ARHGEF28: variants seen among roughly 807,000 people sequenced by gnomAD.
ARHGEF28 encodes the protein Rho guanine nucleotide exchange factor 28, also known as 190 kDa guanine nucleotide exchange factor.
In ARHGEF28, 152 loss-of-function variants were observed where a neutral mutation model predicts 206.6. That is an observed-to-expected ratio of 0.74 (90% CI 0.64 to 0.84). The LOEUF (loss-of-function observed/expected upper bound fraction) is 0.84, where lower values mean the gene tolerates loss of function less well. Among genes scored for constraint, ARHGEF28 ranks in the 40% least tolerant of loss-of-function variants. The probability of loss-of-function intolerance (pLI) is 0.00; values close to 1 mark genes in which losing one functional copy is unlikely to be tolerated. For missense variants in ARHGEF28, 2,028 were observed against 2,073.2 expected (o/e 0.98, Z 0.42); for synonymous variants, 763 against 776.4 (o/e 0.98, Z 0.29).
chr5:73,695,672 C>A (rs1748165911), intron 2 of ARHGEF28, among the ~76,000 whole-genome samples: 1 of 152,224 alleles, frequency 6.6e-6, no homozygotes. Flanking sequence ...CCTTTGTCCT[C>A]TGTCTTGATC....
intron 2 of ARHGEF28, among the ~76,000 whole-genome samples, chr5:73,747,028 G>A (rs1284517472): frequency 2.6e-5 from 4 of 152,142 alleles, no homozygotes; most frequent in Non-Finnish European, 1.5e-5. Flanking sequence ...TTAATTTGGG[G>A]AGATAATTTT....
chr5:73,756,634 G>A (rs1271173613), intron 4 of ARHGEF28, among the ~76,000 whole-genome samples: 1 of 152,180 alleles, frequency 6.6e-6, no homozygotes, highest in African/African-American at 2.4e-5. Context: ...ATGTATGTAT[G>A]TAGGGGCTCA....
intron 7 of ARHGEF28, among the ~76,000 whole-genome samples, chr5:73,784,261 GC>G (rs1754021509): frequency 6.6e-6 from 1 of 152,076 alleles, no homozygotes; most frequent in Non-Finnish European, 1.5e-5. Flanking sequence ...TATATCTGTA[GC>G]TGCTATTAAT....
chr5:73,740,278 G>A (rs1332937993), intron 2 of ARHGEF28, among the ~76,000 whole-genome samples: 1 of 151,598 alleles, frequency 6.6e-6, no homozygotes, highest in African/African-American at 2.4e-5. Flanking sequence ...AAATATTGAA[G>A]CAATTAATCA....
At chr5:73,787,625 G>A (rs1050783696) in intron 7 of ARHGEF28, among the ~76,000 whole-genome samples, 3 of 152,066 alleles carry the variant, frequency 2.0e-5, no homozygotes, top group African/African-American at 7.2e-5. Flanking sequence ...GAGAACTTGT[G>A]GTGTTTGGTT....
intron 1 of ARHGEF28, among the ~76,000 whole-genome samples, chr5:73,676,139 C>T (rs577835607): frequency 1.0e-4 from 15 of 145,938 alleles, no homozygotes; most frequent in Admixed American, 8.4e-4. Flanking sequence ...GGTGCGATCT[C>T]GGTTCACTGC....
At chr5:73,694,964 TG>T (rs1223270236) in intron 2 of ARHGEF28, among the ~76,000 whole-genome samples, 2 of 152,186 alleles carry the variant, frequency 1.3e-5, no homozygotes, top group African/African-American at 4.8e-5. Context: ...GATGGTAGTA[TG>T]GGTTAGGACA....
chr5:73,773,571 A>G lies in ARHGEF28; in HGVS notation c.476-284A>G, dbSNP rs539538635. Among the ~76,000 whole-genome samples the G allele has an allele frequency of 2.0e-5, 3 of 152,298 alleles. No individual in the cohort carries two copies. In the East Asian group the frequency reaches 5.8e-4, roughly 29 times the overall value. ...CTGCTTCCCTAGATGACTGCACTGCATGTCTAGTGAAAGATGACGTGAATG... is the reference window on the plus strand; with the variant it reads ...CTGCTTCCCTAGATGACTGCACTGCGTGTCTAGTGAAAGATGACGTGAATG... On this transcript the variant is annotated intron_variant, in intron 4 of 35. Transcript: ENST00000513042.
At chr5:73,893,983 C>T (rs1172615683) in intron 28 of ARHGEF28, among the ~76,000 whole-genome samples, 2 of 151,728 alleles carry the variant, frequency 1.3e-5, no homozygotes, top group Non-Finnish European at 2.9e-5. Flanking sequence ...AAACTTAAAC[C>T]AGTATGTTTG....
chr5:73,767,750 G>A (rs930300009), intron 4 of ARHGEF28, among the ~76,000 whole-genome samples: 10 of 152,198 alleles, frequency 6.6e-5, no homozygotes, highest in African/African-American at 2.4e-4. Context: ...AGAAATTCAA[G>A]CTGGCTGCAG....
intron 1 of ARHGEF28, among the ~76,000 whole-genome samples, chr5:73,636,887 G>T (rs1743751685): frequency 6.6e-6 from 1 of 152,126 alleles, no homozygotes; most frequent in South Asian, 2.1e-4. Flanking sequence ...CGAGCATCAC[G>T]CTTGGCTCCC....
chr5:73,681,166 T>G (rs1333123340), intron 1 of ARHGEF28, among the ~76,000 whole-genome samples: 1 of 151,954 alleles, frequency 6.6e-6, no homozygotes, highest in African/African-American at 2.4e-5. Flanking sequence ...AAGGATCTTC[T>G]AATTTTATCA....
Position 73,911,405 on chromosome 5 carries a change from A to G in ARHGEF28, c.4778A>G (p.Tyr1593Cys), listed in dbSNP as rs780649949. The G allele has an allele frequency of 6.2e-7, 1 of 1,613,886 alleles. No homozygotes were observed. The highest frequency in any genetic ancestry group is 8.5e-7 in the Non-Finnish European group (1 of 1,179,922). ...NPSVIHQDAT[Y>C]PTTQSHSDLV... is the part of the protein sequence containing the mutation. ...TCAGTTATCCATCAGGATGCCACTT[A>G]CCCTACAACTCAATCTCATTCTGAC... is the stretch of plus-strand genomic sequence containing the variant. Residue 1593 changes from tyrosine (Y) to cysteine (C), a missense_variant, in exon 35 of 36, where the codon TAC becomes TGC. Around this residue, in one of 3 missense-constraint regions of ARHGEF28, gnomAD observed 803 missense variants for 768.0 expected, o/e 1.05. Transcript: ENST00000513042.
chr5:73,749,983 A>G lies in ARHGEF28; in HGVS notation c.180A>G (p.Pro60=). Residue 60 remains proline (P), a splice_region_variant and synonymous_variant, in exon 3 of 36, where the codon CCA becomes CCG. Coordinates refer to ENST00000513042, the MANE Select transcript of ARHGEF28 (RefSeq NM_001177693.2). ...ATAACGTTCTCCAGTCCAGCGTCCC[A>G]GGTGAGGTGTCCTCTTTGTTGTGCA... ...IEDNVLQSSV[P]GHGLQETVTV... 6.2e-7 allele frequency: 1 copy of G among 1,613,758 alleles called. No individual in the cohort carries two copies. Among genetic ancestry groups the G allele is most frequent in the East Asian group, 2.2e-5 (1 of 44,872 alleles).
In ARHGEF28 at chr5:73,773,928, G is replaced by T. The variant is rs768995277; in HGVS notation, c.549G>T (p.Leu183Phe). Residue 183 changes from leucine (L) to phenylalanine (F), a missense_variant, in exon 5 of 36, where the codon TTG becomes TTT. Transcript: ENST00000513042. ...WGLAKLSQFF[L>F]CLPGGVQALA... ...TGGCTAAACTTTCCCAGTTCTTCTT[G>T]TGTCTCCCGGGGGGAGTCCAGGCCT... 1.2e-6 allele frequency: 2 copies of T among 1,608,178 alleles called. No homozygotes were observed. The highest frequency in any genetic ancestry group is 1.3e-5 in the African/African-American group (1 of 74,990).
At chr5:73,850,077 TATTAA>T (rs781382896) in intron 13 of ARHGEF28, among the ~76,000 whole-genome samples, 7 of 123,884 alleles carry the variant, frequency 5.7e-5, no homozygotes, top group Admixed American at 1.8e-4. Context: ...TATTCTTGCT[TATTAA>T]ATTGTTATTT....
intron 7 of ARHGEF28, among the ~76,000 whole-genome samples, chr5:73,786,758 A>T (rs1453502835): frequency 6.6e-6 from 1 of 152,218 alleles, no homozygotes; most frequent in Non-Finnish European, 1.5e-5. Context: ...CACCTTGCCC[A>T]GTATTGAACA....
Position 73,762,981 on chromosome 5 carries a change from G to A in ARHGEF28, c.475+9779G>A, listed in dbSNP as rs557187723. Among the ~76,000 whole-genome samples, 9 of 152,248 alleles carry A rather than the reference G, an allele frequency of 5.9e-5. No individual in the cohort carries two copies. In the South Asian group the frequency reaches 1.2e-3, roughly 21 times the overall value. ...GGCTGTCAGGATTAAATGAGATAACGCATATAAAGTGCTGAATAAAGGTTA... is the reference window on the plus strand; with the variant it reads ...GGCTGTCAGGATTAAATGAGATAACACATATAAAGTGCTGAATAAAGGTTA... On this transcript the variant is annotated intron_variant, in intron 4 of 35. Transcript: ENST00000513042.
chr5:73,832,356 T>TA lies in ARHGEF28; in HGVS notation c.1050dup (p.Ser351IlefsTer21). The TA allele has an allele frequency of 2.5e-6, 4 of 1,612,572 alleles. No individual in the cohort carries two copies. The highest frequency in any genetic ancestry group is 1.7e-6 in the Non-Finnish European group (2 of 1,179,244). On this transcript the variant is annotated frameshift_variant, in exon 10 of 36. Transcript: ENST00000513042. LOFTEE classifies it high-confidence loss of function. Reference sequence around the variant, plus strand: ...ACTCTAGATCGCTCCTTCGATATCCTAAAAAAATCCAAGCCGCCCTCGACA... The same window carrying TA: ...ACTCTAGATCGCTCCTTCGATATCCTAAAAAAAATCCAAGCCGCCCTCGACA...
Sources: gnomAD v4.1 joint callset for allele counts (sites outside exome capture counted in the v4.1 genomes callset) on GRCh38, gnomAD v4.1.1 for gene constraint, gnomAD v4.1.1 regional missense constraint, MANE v1.5 for transcripts, NCBI Gene and HGNC (gene_info 2026-07-23, HGNC 2026-07-21) for gene names.